SORCS1: variants seen among roughly 807,000 people sequenced by gnomAD.
SORCS1 encodes the protein sortilin related VPS10 domain containing receptor 1.
Under a neutral mutation model 146.1 loss-of-function variants are expected in SORCS1, and 60 were observed. That is an observed-to-expected ratio of 0.41 (90% CI 0.33 to 0.51). The LOEUF (loss-of-function observed/expected upper bound fraction) is 0.51, where lower values mean the gene tolerates loss of function less well. Ranked by LOEUF, SORCS1 falls within the 20% of genes least tolerant of loss-of-function variation. The probability of loss-of-function intolerance (pLI) is 0.21; values close to 1 mark genes in which losing one functional copy is unlikely to be tolerated. For missense variants in SORCS1, 1,352 were observed against 1,487.6 expected (o/e 0.91, Z 1.50); for synonymous variants, 637 against 584.0 (o/e 1.09, Z -1.31).
At chr10:106,601,847 G>T (rs112960288) in intron 23 of SORCS1, among the ~76,000 whole-genome samples, 4 of 152,144 alleles carry the variant, frequency 2.6e-5, no homozygotes, top group African/African-American at 9.7e-5. Flanking sequence ...GCTTGGAAGT[G>T]GCACATATCA....
intron 1 of SORCS1, among the ~76,000 whole-genome samples, chr10:107,000,734 C>T (rs1216930951): frequency 1.3e-5 from 2 of 151,816 alleles, no homozygotes; most frequent in African/African-American, 2.4e-5. Context: ...CAAATAAATA[C>T]AAGATAATAA....
At chr10:107,018,619 A>T (rs776687290) in intron 1 of SORCS1, among the ~76,000 whole-genome samples, 1 of 151,706 alleles carries the variant, frequency 6.6e-6, no homozygotes, top group Admixed American at 6.6e-5. Flanking sequence ...TTGTTAATCA[A>T]TTTTTTTGTT....
chr10:106,801,820 G>A (rs961687602), intron 3 of SORCS1, among the ~76,000 whole-genome samples: 17 of 152,066 alleles, frequency 1.1e-4, no homozygotes, highest in Non-Finnish European at 1.6e-4. Context: ...GTGAGCCACC[G>A]TGCCCAGCTA....
intron 3 of SORCS1, among the ~76,000 whole-genome samples, chr10:106,777,707 C>T (rs922281468): frequency 6.6e-6 from 1 of 152,208 alleles, no homozygotes; most frequent in South Asian, 2.1e-4. Flanking sequence ...GAGCTGCCTT[C>T]GAAACTGCCT....
chr10:107,173,663 G>A, the SORCS1 span, among the ~76,000 whole-genome samples: 1 of 151,976 alleles, frequency 6.6e-6, no homozygotes, highest in African/African-American at 2.4e-5. Context: ...TTTTCTAGAA[G>A]CTGTATTGTT....
At chr10:106,893,314 T>C (rs911039831) in intron 2 of SORCS1, among the ~76,000 whole-genome samples, 14 of 152,238 alleles carry the variant, frequency 9.2e-5, no homozygotes, top group Admixed American at 7.2e-4. Context: ...ACAAAAGGAA[T>C]GAGAAACATT....
chr10:107,078,543 T>C (rs1315999546), intron 1 of SORCS1, among the ~76,000 whole-genome samples: 1 of 152,170 alleles, frequency 6.6e-6, no homozygotes, highest in African/African-American at 2.4e-5. Context: ...AAACAATGAA[T>C]GCCTTTGTTC....
At chr10:106,586,230 A>G (rs1406308897) in intron 24 of SORCS1, among the ~76,000 whole-genome samples, 11 of 152,182 alleles carry the variant, frequency 7.2e-5, no homozygotes. Context: ...ATTATTTTCA[A>G]AGATAAGACA....
chr10:106,757,857 C>A (rs764797673), intron 5 of SORCS1, among the ~76,000 whole-genome samples: 6 of 152,176 alleles, frequency 3.9e-5, no homozygotes, highest in Non-Finnish European at 7.3e-5. Context: ...CTGGCTCTGG[C>A]ACTTTCCAGC....
chr10:107,021,554 T>C (rs1272551534), intron 1 of SORCS1, among the ~76,000 whole-genome samples: 1 of 136,264 alleles, frequency 7.3e-6, no homozygotes, highest in Non-Finnish European at 1.6e-5. Flanking sequence ...AGAATACGCA[T>C]ATTTATCCCA....
At chr10:106,821,602 C>T (rs1368489062) in intron 3 of SORCS1, among the ~76,000 whole-genome samples, 1 of 152,180 alleles carries the variant, frequency 6.6e-6, no homozygotes, top group East Asian at 1.9e-4. Context: ...GTTAATTAAG[C>T]AGGAAGCTTC....
intron 2 of SORCS1, among the ~76,000 whole-genome samples, chr10:106,853,440 T>C (rs1366145346): frequency 6.6e-6 from 1 of 151,948 alleles, no homozygotes; most frequent in East Asian, 1.9e-4. Context: ...TTTTGTTGAT[T>C]ATCTATTTTC....
intron 1 of SORCS1, among the ~76,000 whole-genome samples, chr10:106,983,860 G>T (rs1956339536): frequency 6.6e-6 from 1 of 152,198 alleles, no homozygotes; most frequent in South Asian, 2.1e-4. Flanking sequence ...AAATTTTCTA[G>T]CAGGAGGACC....
intron 3 of SORCS1, among the ~76,000 whole-genome samples, chr10:106,824,499 G>A (rs7075420): frequency 0.038 from 5,784 of 150,506 alleles, 286 homozygotes; most frequent in East Asian, 0.23. Context: ...CTGAGGCAGA[G>A]AATTTTTTGA....
At chr10:106,583,235 A>G (rs1845026519) in intron 24 of SORCS1, among the ~76,000 whole-genome samples, 1 of 152,192 alleles carries the variant, frequency 6.6e-6, no homozygotes. Context: ...GTATTCTTCT[A>G]CAGAAAAAAA....
At chr10:106,948,300 A>C (rs1445463402) in intron 2 of SORCS1, among the ~76,000 whole-genome samples, 1 of 147,200 alleles carries the variant, frequency 6.8e-6, no homozygotes, top group Non-Finnish European at 1.5e-5. Flanking sequence ...AAAAAAAAAA[A>C]TGTATCTGTG....
At chr10:107,109,589 G>A (rs1291842128) in intron 1 of SORCS1, among the ~76,000 whole-genome samples, 3 of 152,104 alleles carry the variant, frequency 2.0e-5, no homozygotes, top group Non-Finnish European at 2.9e-5. Context: ...TAGACCTCTG[G>A]GCCTATGATG....
At chr10:107,026,386 G>A (rs993784248) in intron 1 of SORCS1, among the ~76,000 whole-genome samples, 2 of 152,160 alleles carry the variant, frequency 1.3e-5, no homozygotes, top group African/African-American at 4.8e-5. Flanking sequence ...TTGGGAGGCT[G>A]AGGCAGGCGG....
chr10:106,970,637 C>T (rs1372740124), intron 1 of SORCS1, among the ~76,000 whole-genome samples: 1 of 152,122 alleles, frequency 6.6e-6, no homozygotes, highest in African/African-American at 2.4e-5. Context: ...CCACCACACC[C>T]AACCAGTCTC....
Sources: gnomAD v4.1 joint callset for allele counts (sites outside exome capture counted in the v4.1 genomes callset) on GRCh38, gnomAD v4.1.1 for gene constraint, MANE v1.5 for transcripts, NCBI Gene and HGNC (gene_info 2026-07-23, HGNC 2026-07-21) for gene names.